Variants in FADS6 observed in about 807,000 individuals in gnomAD.
FADS6 encodes the protein fatty acid desaturase domain family, member 6.
FADS6 carries 28 observed loss-of-function variants against 31.7 expected under a neutral mutation model. The observed-to-expected ratio is 0.88, with a 90% confidence interval of 0.66 to 1.21. The LOEUF (loss-of-function observed/expected upper bound fraction) is 1.21. Among genes scored for constraint, FADS6 ranks in the 50% most tolerant of loss-of-function variants. The pLI is 0.00. For synonymous variants in FADS6, 191 were observed against 213.1 expected, an observed-to-expected ratio of 0.90 and a Z score of 0.90; for missense variants, 494 against 504.2, an observed-to-expected ratio of 0.98 and a Z score of 0.19.
intron 2 of FADS6, among the ~76,000 whole-genome samples, chr17:74,886,573 G>A (rs11868766): frequency 6.6e-6 from 1 of 151,878 alleles, no homozygotes; most frequent in African/African-American, 2.4e-5. Flanking sequence ...GACATCTGCA[G>A]AAAGGGGTAG....
chr17:74,885,164 A>G (rs905470454), intron 2 of FADS6, among the ~76,000 whole-genome samples: 2 of 152,062 alleles, frequency 1.3e-5, no homozygotes, highest in Non-Finnish European at 2.9e-5. Flanking sequence ...GCAGCTGGCC[A>G]CTGGGGTTAC....
intron 2 of FADS6, 22 bp downstream of exon 2, chr17:74,892,501 A>G (rs777931671): frequency 3.7e-6 from 6 of 1,605,798 alleles, no homozygotes; most frequent in Non-Finnish European, 5.1e-6. Flanking sequence ...AGCTGCCTGC[A>G]TCCTCCTTCT....
intron 2 of FADS6, chr17:74,882,931 G>T: frequency 7.8e-7 from 1 of 1,274,988 alleles, no homozygotes; most frequent in Non-Finnish European, 1.1e-6. Context: ...GTTTGACGAG[G>T]CTCTGCAAAG....
At chr17:74,880,619 C>T (rs1567925004) in intron 4 of FADS6, among the ~76,000 whole-genome samples, 1 of 152,126 alleles carries the variant, frequency 6.6e-6, no homozygotes, top group Non-Finnish European at 1.5e-5. Flanking sequence ...GTTGGGATTA[C>T]AGGAGTGAAC....
At chr17:74,884,235 C>T (rs1410463984) in intron 2 of FADS6, among the ~76,000 whole-genome samples, 1 of 152,146 alleles carries the variant, frequency 6.6e-6, no homozygotes, top group Non-Finnish European at 1.5e-5. Flanking sequence ...GCTGCATTCA[C>T]ACAGATCCTG....
chr17:74,878,335 A>G lies in FADS6; in HGVS notation c.1103T>C (p.Leu368Pro). The change falls in exon 6 of 6, where the codon CTG becomes CCG. Residue 368 changes from leucine (L) to proline (P), a missense_variant. Transcript: ENST00000612771. Reference sequence around the variant, plus strand: ...GGCTGCACCGGCCCGGCCTCATTACAGCCCCACAAGCTCAGTGATGGGTGG... The same window carrying G: ...GGCTGCACCGGCCCGGCCTCATTACGGCCCCACAAGCTCAGTGATGGGTGG... ...QAPPITELVG[L>P] The G allele has an allele frequency of 6.2e-7, 1 of 1,613,228 alleles. No homozygotes were observed. The highest frequency in any genetic ancestry group is 8.5e-7 in the Non-Finnish European group (1 of 1,179,614).
rs566760752 is a variant in FADS6 at position 74,882,547 on chromosome 17, G to A, written c.575C>T (p.Thr192Ile). The change falls in exon 3 of 6, where the codon ACT (threonine) becomes ATT (isoleucine). Residue 192 changes from threonine to isoleucine, a missense_variant. This residue lies in a region of FADS6 where 454 missense variants were observed against 438.5 expected (regional missense o/e 1.04). Transcript: ENST00000612771. ...GCACTCACCGACAGCCACCAGTGGA[G>A]TGGCGATGGGGAGGAGGAAAGGAGC... ...FLAPFLLPIATPLVAVERLRK... is the reference protein window; with the variant it reads ...FLAPFLLPIAIPLVAVERLRK... 1 of 1,610,856 alleles carries A rather than the reference G, an allele frequency of 6.2e-7. No homozygotes were observed. The highest frequency in any genetic ancestry group is 1.1e-5 in the South Asian group (1 of 90,468).
Position 74,893,488 on chromosome 17 carries a change from G to A in FADS6, c.108C>T (p.Ser36=), listed in dbSNP as rs370440009. 24 of 1,592,536 alleles carry A rather than the reference G, an allele frequency of 1.5e-5. No individual in the cohort carries two copies. The African/African-American group carries it at 3.2e-4, about 21-fold the overall frequency. ...GCAGCGCCTCGCCCCCACGGTGCGC[G>A]CTCCGCGCCGGTTCCATGGGCTCCG... The part of the protein sequence containing the change: ...EPTEPMEPAR[S]AHRGGEALLR... Residue 36 remains serine (S), a synonymous_variant, in exon 1 of 6, where the codon AGC becomes AGT. Transcript: ENST00000612771.
intron 2 of FADS6, among the ~76,000 whole-genome samples, chr17:74,885,231 A>G (rs2038610862): frequency 6.6e-6 from 1 of 151,856 alleles, no homozygotes; most frequent in African/African-American, 2.4e-5. Flanking sequence ...TCTCACACCA[A>G]CAGAACTACC....
intron 5 of FADS6, chr17:74,878,917 G>A (rs753205398): frequency 2.0e-5 from 4 of 197,930 alleles, no homozygotes; most frequent in Non-Finnish European, 4.1e-5. Context: ...GGGTATCTCT[G>A]ATCTAAAACC....
intron 2 of FADS6, among the ~76,000 whole-genome samples, chr17:74,890,670 A>G (rs2144725747): frequency 6.6e-6 from 1 of 152,232 alleles, no homozygotes; most frequent in South Asian, 2.1e-4. Context: ...AGAGTCAAAG[A>G]GGCAAAGATG....
chr17:74,879,639 G>C (rs1478664644), intron 4 of FADS6, 56 bp from the exon 5 acceptor site: 2 of 1,547,862 alleles, frequency 1.3e-6, no homozygotes, highest in Admixed American at 3.7e-5. Flanking sequence ...CCCCACTCCA[G>C]GTGTCCTGGG....
At chr17:74,879,228 G>C (rs2038540025) in intron 5 of FADS6, 176 bp downstream of exon 5, 4 of 734,310 alleles carry the variant, frequency 5.4e-6, no homozygotes, top group Non-Finnish European at 8.5e-6. Flanking sequence ...GTAGAGATGG[G>C]GTTTCACCAT....
chr17:74,875,499 G>A (rs867401186), downstream of FADS6, among the ~76,000 whole-genome samples: 10 of 152,212 alleles, frequency 6.6e-5, no homozygotes, highest in Middle Eastern at 0.01. Context: ...CAAAGCAATC[G>A]AGTGACTTGT....
chr17:74,892,447 C>G, intron 2 of FADS6, 76 bp downstream of exon 2: 1 of 1,515,932 alleles, frequency 6.6e-7, no homozygotes, highest in Admixed American at 2.0e-5. Flanking sequence ...CTGGACACAC[C>G]CGCATGCTCG....
At chr17:74,878,587 C>T (rs2038533059) in intron 5 of FADS6, 110 bp from the exon 6 acceptor site, 8 of 1,364,384 alleles carry the variant, frequency 5.9e-6, no homozygotes, top group Non-Finnish European at 7.0e-6. Context: ...TCCTATCGGC[C>T]TTGTTCCAAG....
intron 2 of FADS6, among the ~76,000 whole-genome samples, chr17:74,888,154 A>G (rs9897238): frequency 0.58 from 77,448 of 133,468 alleles, 22,893 homozygotes; most frequent in Non-Finnish European, 0.67. Context: ...ACACACACAC[A>G]CGCGCGCGCG....
In FADS6 at chr17:74,892,642, T is replaced by C. The variant is rs764290846; in HGVS notation, c.292A>G (p.Ile98Val). 1.2e-6 allele frequency: 2 copies of C among 1,613,422 alleles called. No individual in the cohort carries two copies. The highest frequency in any genetic ancestry group is 8.5e-7 in the Non-Finnish European group (1 of 1,179,652). The change falls in exon 2 of 6, where the codon ATC becomes GTC. Residue 98 changes from isoleucine to valine, a missense_variant. Physicochemically the swap from Ile to Val is conservative, Grantham distance 29. Around this residue, in one of 2 missense-constraint regions of FADS6, gnomAD observed 454 missense variants for 438.5 expected, o/e 1.04. Transcript: ENST00000612771. ...TAGTGGCACACACCCAAGATGGTGA[T>C]GCCGGATGCAAAGACCAGGGCATTC... ...WENALVFASG[I>V]TILGVCHYTL...
intron 2 of FADS6, among the ~76,000 whole-genome samples, chr17:74,889,889 A>AAAAAAAAAAAAC (rs2038669987): frequency 6.6e-6 from 1 of 150,804 alleles, no homozygotes; most frequent in Non-Finnish European, 1.5e-5. Flanking sequence ...AAAAAAAAAA[A>AAAAAAAAAAAAC]AAAAAAGACA....
Sources: gnomAD v4.1 joint callset for allele counts (sites outside exome capture counted in the v4.1 genomes callset) on GRCh38, gnomAD v4.1.1 for gene constraint, gnomAD v4.1.1 regional missense constraint, MANE v1.5 for transcripts, NCBI Gene and HGNC (gene_info 2026-07-23, HGNC 2026-07-21) for gene names.